Variants in LRCH1 observed in about 807,000 individuals in gnomAD.
LRCH1 encodes the protein leucine-rich repeat and calponin homology domain-containing protein 1.
In LRCH1, 23 loss-of-function variants were observed where a neutral mutation model predicts 94.9. That is an observed-to-expected ratio of 0.24 (90% confidence interval 0.17 to 0.34). The LOEUF is 0.34. Ranked by LOEUF, LRCH1 falls within the 10% of genes least tolerant of loss-of-function variation. The probability of loss-of-function intolerance (pLI) is 1.00; values close to 1 mark genes in which losing one functional copy is unlikely to be tolerated. For synonymous variants in LRCH1, 364 were observed against 354.9 expected, an observed-to-expected ratio of 1.03 and a Z score of -0.29; for missense variants, 790 against 945.9, an observed-to-expected ratio of 0.84 and a Z score of 2.16.
At chr13:46,567,203 A>T (rs1388737056) in intron 1 of LRCH1, among the ~76,000 whole-genome samples, 1 of 152,214 alleles carries the variant, frequency 6.6e-6, no homozygotes, top group African/African-American at 2.4e-5. Flanking sequence ...TAGAATACAA[A>T]TGTTTACATT....
intron 1 of LRCH1, among the ~76,000 whole-genome samples, chr13:46,628,060 G>T (rs2050972108): frequency 6.6e-6 from 1 of 152,040 alleles, no homozygotes; most frequent in Non-Finnish European, 1.5e-5. Context: ...ATTAAGTTGG[G>T]ACCAACCACT....
intron 1 of LRCH1, among the ~76,000 whole-genome samples, chr13:46,649,906 A>C (rs2051270629): frequency 6.6e-6 from 1 of 152,180 alleles, no homozygotes; most frequent in Non-Finnish European, 1.5e-5. Context: ...AGCATTTTGC[A>C]TACTTGTCTG....
Position 46,553,703 on chromosome 13 carries a change from G to A in LRCH1, c.307G>A (p.Asp103Asn). ...CGACCTCTCGGACACGGTGCAGGCA[G>A]GTGAGTGAGGGCCGAGGGGCGGGCA... ...GHDLSDTVQADLSKNRLVEVP... is the reference protein window; with the variant it reads ...GHDLSDTVQANLSKNRLVEVP... Residue 103 changes from aspartate (D) to asparagine (N), a missense_variant and splice_region_variant, in exon 1 of 20, where the codon GAC (aspartate) becomes AAC (asparagine). By Grantham distance (23) the Asp-to-Asn change is conservative (BLOSUM62 1). This residue lies in a region of LRCH1 where 194 missense variants were observed against 293.5 expected (regional missense o/e 0.66). Coordinates refer to ENST00000389797, the MANE Select transcript of LRCH1 (RefSeq NM_001164211.2). The A allele has an allele frequency of 1.2e-6, 2 of 1,609,056 alleles. No homozygotes were observed. Among genetic ancestry groups the A allele is most frequent in the Non-Finnish European group, 1.7e-6 (2 of 1,179,032 alleles).
chr13:46,554,090 G>A lies in LRCH1; in HGVS notation c.307+387G>A, dbSNP rs559153706. ...CGGCTGTGTCGGCTTCCTGGGCCCC[G>A]CGCAGGGCTGGGAACTCCAGCGCGG... On this transcript the variant is annotated intron_variant, in intron 1 of 19. Transcript: ENST00000389797. Among the ~76,000 whole-genome samples the A allele has an allele frequency of 2.1e-4, 32 of 152,366 alleles. No homozygotes were observed. In the South Asian group the frequency reaches 6.2e-3, roughly 30 times the overall value.
At chr13:46,561,145 C>T (rs1403911809) in intron 1 of LRCH1, among the ~76,000 whole-genome samples, 1 of 152,188 alleles carries the variant, frequency 6.6e-6, no homozygotes, top group Non-Finnish European at 1.5e-5. Flanking sequence ...AGAAATACTT[C>T]ATATTTTGCT....
chr13:46,609,544 T>C (rs1036670749), intron 1 of LRCH1, among the ~76,000 whole-genome samples: 2 of 152,180 alleles, frequency 1.3e-5, no homozygotes, highest in Non-Finnish European at 2.9e-5. Context: ...GAAGGTCTCA[T>C]AGAGAGTTTT....
intron 1 of LRCH1, among the ~76,000 whole-genome samples, chr13:46,649,618 C>G (rs1199789258): frequency 6.6e-6 from 1 of 151,934 alleles, no homozygotes; most frequent in Admixed American, 6.6e-5. Context: ...GAGTAAAGTA[C>G]TTGGTTATTG....
chr13:46,744,032 T>A lies in LRCH1; in HGVS notation c.*2184T>A. ...ATGGTAACTAGCAGAACACAATTAA[T>A]TTAGTCCTTTAGGCAAAAATTTGAA... is the stretch of plus-strand genomic sequence containing the variant. On this transcript the variant is annotated 3_prime_UTR_variant, in exon 20 of 20. Coordinates refer to ENST00000389797, the MANE Select transcript of LRCH1 (RefSeq NM_001164211.2). 1.0e-6 allele frequency: 1 copy of A among 985,452 alleles called. No individual in the cohort carries two copies. The highest frequency in any genetic ancestry group is 1.2e-6 in the Non-Finnish European group (1 of 829,936). The allele number at this position is 985,452 out of a possible 1,614,324, so 61.0% of individuals were successfully genotyped here.
Position 46,553,524 on chromosome 13 carries a change from G to T in LRCH1, c.128G>T (p.Gly43Val). 1 of 1,546,592 alleles carries T rather than the reference G, an allele frequency of 6.5e-7. No individual in the cohort carries two copies. Among genetic ancestry groups the T allele is most frequent in the South Asian group, 1.2e-5 (1 of 83,862 alleles). The change falls in exon 1 of 20, where the codon GGC becomes GTC. Residue 43 changes from glycine to valine, a missense_variant. Around this residue, in one of 3 missense-constraint regions of LRCH1, gnomAD observed 136 missense variants for 143.5 expected, o/e 0.95. Transcript: ENST00000389797. ...HQHHGGTGAP[G>V]GAGGGGGGSG... ...CACCACGGAGGAACCGGCGCCCCCG[G>T]CGGGGCGGGTGGTGGCGGCGGTGGC...
chr13:46,733,559 A>G (rs1873218323), intron 18 of LRCH1, among the ~76,000 whole-genome samples: 1 of 152,198 alleles, frequency 6.6e-6, no homozygotes, highest in Admixed American at 6.5e-5. Flanking sequence ...TATAAACAAT[A>G]TAAACATACG....
intron 1 of LRCH1, among the ~76,000 whole-genome samples, chr13:46,614,887 GT>G (rs1424498521): frequency 8.5e-5 from 13 of 152,168 alleles, no homozygotes; most frequent in Non-Finnish European, 1.3e-4. Flanking sequence ...GTATTATAAT[GT>G]AGAAAACCAT....
At chr13:46,630,638 T>C (rs1035908197) in intron 1 of LRCH1, among the ~76,000 whole-genome samples, 1 of 152,244 alleles carries the variant, frequency 6.6e-6, no homozygotes, top group African/African-American at 2.4e-5. Flanking sequence ...CTTAAGACAC[T>C]GGGACTGGGA....
At chr13:46,664,258 C>T (rs914432564) in intron 2 of LRCH1, among the ~76,000 whole-genome samples, 13 of 152,152 alleles carry the variant, frequency 8.5e-5, no homozygotes, top group African/African-American at 2.4e-4. Flanking sequence ...TAGAGTCATA[C>T]ACCACATAAT....
At chr13:46,740,185 G>A (rs973002284) in intron 19 of LRCH1, among the ~76,000 whole-genome samples, 2 of 152,072 alleles carry the variant, frequency 1.3e-5, no homozygotes, top group African/African-American at 4.8e-5. Context: ...TAATCCATGA[G>A]CAGCATCAGT....
rs1380103781 is a variant in LRCH1 at position 46,650,070 on chromosome 13, CAG to C, written c.308-128_308-127del. The C allele has an allele frequency of 2.1e-5, 12 of 579,142 alleles. No individual in the cohort carries two copies. In the African/African-American group the frequency reaches 2.1e-4, roughly 10 times the overall value. The allele number at this position is 579,142 out of a possible 1,614,324, so 35.9% of individuals were successfully genotyped here. A position where few individuals can be genotyped will look rare whatever the true frequency, so the allele number is the denominator to read the frequency against. On this transcript the variant is annotated intron_variant, in intron 1 of 19. Coordinates refer to ENST00000389797, the MANE Select transcript of LRCH1 (RefSeq NM_001164211.2). ...AATAGAAATCACAGTGCTGTAGTAA[CAG>C]AGGTGCAAAAAAAAATGATAATGTT... is the stretch of plus-strand genomic sequence containing the variant.
intron 2 of LRCH1, among the ~76,000 whole-genome samples, chr13:46,660,705 C>T (rs1404175331): frequency 6.6e-6 from 1 of 152,146 alleles, no homozygotes; most frequent in Non-Finnish European, 1.5e-5. Flanking sequence ...TCTGGATATT[C>T]TTTCTCTTCC....
chr13:46,601,434 T>G (rs1347121683), intron 1 of LRCH1, among the ~76,000 whole-genome samples: 2 of 152,164 alleles, frequency 1.3e-5, no homozygotes, highest in African/African-American at 4.8e-5. Flanking sequence ...AAGATAAGAT[T>G]ATAAGTTTTT....
At position 46,728,950 on chromosome 13, in the gene LRCH1, C is replaced by G; in HGVS notation, c.1973C>G (p.Ser658Trp). The change falls in exon 18 of 20, where the codon TCG becomes TGG. Residue 658 changes from serine (S) to tryptophan (W), a missense_variant. By Grantham distance (177) the Ser-to-Trp change is radical. Coordinates refer to ENST00000389797, the MANE Select transcript of LRCH1 (RefSeq NM_001164211.2). Reference sequence around the variant, plus strand: ...CTGGTCAACCACATCCGCCCACGGTCGGTTGCAAGCATCCATGTCCCATCA... The same window carrying G: ...CTGGTCAACCACATCCGCCCACGGTGGGTTGCAAGCATCCATGTCCCATCA... The part of the protein sequence containing the change: ...CHLVNHIRPR[S>W]VASIHVPSPA... The G allele has an allele frequency of 6.2e-7, 1 of 1,613,342 alleles. No individual in the cohort carries two copies. The highest frequency in any genetic ancestry group is 8.5e-7 in the Non-Finnish European group (1 of 1,179,636).
intron 2 of LRCH1, among the ~76,000 whole-genome samples, chr13:46,667,547 G>A (rs1383763473): frequency 2.6e-5 from 3 of 114,156 alleles, no homozygotes; most frequent in African/African-American, 9.6e-5. Context: ...GAGGGGGGGA[G>A]GGATAGCATT....
Sources: gnomAD v4.1 joint callset for allele counts (sites outside exome capture counted in the v4.1 genomes callset) on GRCh38, gnomAD v4.1.1 for gene constraint, gnomAD v4.1.1 regional missense constraint, MANE v1.5 for transcripts, NCBI Gene and HGNC (gene_info 2026-07-23, HGNC 2026-07-21) for gene names.